SLC6A3: variants seen among roughly 807,000 people sequenced by gnomAD.
SLC6A3 encodes sodium-dependent dopamine transporter.
Under a neutral mutation model 70.4 loss-of-function variants are expected in SLC6A3, and 19 were observed. That is an observed-to-expected ratio of 0.27 (90% confidence interval 0.19 to 0.40). The LOEUF is 0.40. SLC6A3 is among the 10% of genes least tolerant of loss of function. The pLI, the probability that SLC6A3 is intolerant of heterozygous loss-of-function variation, is 1.00. For missense variants in SLC6A3, 613 were observed against 838.5 expected (o/e 0.73, Z 3.32); for synonymous variants, 368 against 356.6 (o/e 1.03, Z -0.36).
At position 1,401,470 on chromosome 5, in the gene SLC6A3, C is replaced by T. The variant is rs531957903; in HGVS notation, c.1768-484G>A. On this transcript the variant is annotated intron_variant, in intron 13 of 14. Transcript: ENST00000270349. This position sits in a 1 kb window ranked among gnomAD's most constrained non-coding sequence, Gnocchi z 6.1. ...CGTGCCTTCCTTCCACTGCCCGCTGCGGCAGCTCCTGGGGCCTGGACAGCA... is the reference window on the plus strand; with the variant it reads ...CGTGCCTTCCTTCCACTGCCCGCTGTGGCAGCTCCTGGGGCCTGGACAGCA... Among the ~76,000 whole-genome samples the T allele has an allele frequency of 5.9e-5, 9 of 152,216 alleles. No individual in the cohort carries two copies. Among genetic ancestry groups the T allele is most frequent in the Non-Finnish European group, 8.8e-5 (6 of 68,030 alleles).
At chr5:1,403,761 T>G (rs779168584) in intron 12 of SLC6A3, among the ~76,000 whole-genome samples, 2 of 152,090 alleles carry the variant, frequency 1.3e-5, no homozygotes, top group Non-Finnish European at 2.9e-5. Context: ...CAGACCTGTC[T>G]CAGAACCACC....
chr5:1,443,181 C>T lies in SLC6A3; in HGVS notation c.17G>A (p.Cys6Tyr), dbSNP rs746803347. Residue 6 changes from cysteine (C) to tyrosine (Y), a missense_variant, in exon 2 of 15, where the codon TGC becomes TAC. Cys to Tyr is a radical substitution (Grantham distance 194). This residue lies in a region of SLC6A3 where 111 missense variants were observed against 91.6 expected (regional missense o/e 1.21). Transcript: ENST00000270349. ...CACGGAAGACATGAGTCCCACGGAGCATTTGCTCTTACTCATGGGCACACT... is the reference window on the plus strand; with the variant it reads ...CACGGAAGACATGAGTCCCACGGAGTATTTGCTCTTACTCATGGGCACACT... MSKSK[C>Y]SVGLMSSVVA... is the part of the protein sequence containing the mutation. The T allele has an allele frequency of 6.8e-6, 11 of 1,614,118 alleles. No individual in the cohort carries two copies. The highest frequency in any genetic ancestry group is 1.1e-5 in the South Asian group (1 of 91,090).
rs59372317 is a variant in SLC6A3, at chr5:1,419,323, TCATCCATCCATCCATC to T, written c.927+1230_927+1245del. On this transcript the variant is annotated intron_variant, in intron 6 of 14. Transcript: ENST00000270349. ...TCCTATCCACCTACTTACCTAGCAT[TCATCCATCCATCCATC>T]CATCCATCCATCCATCCATCCATCC... 6.3e-3 allele frequency among the ~76,000 whole-genome samples: 902 copies of T among 142,970 alleles called. 3 individuals are homozygous for T. The highest frequency in any genetic ancestry group is 0.026 in the South Asian group (109 of 4,202). The allele number at this position is 142,970 out of a possible 152,430, so 93.8% of individuals were successfully genotyped here.
rs1362991088 is a variant in SLC6A3 at position 1,411,960 on chromosome 5, A to C, written c.1157-605T>G. 6.6e-6 allele frequency among the ~76,000 whole-genome samples: 1 copy of C among 152,158 alleles called. No homozygotes were observed. The highest frequency in any genetic ancestry group is 2.4e-5 in the African/African-American group (1 of 41,416). On this transcript the variant is annotated intron_variant, in intron 8 of 14. Coordinates refer to ENST00000270349, the MANE Select transcript of SLC6A3 (RefSeq NM_001044.5). The surrounding 1 kb of genome is among the most constrained non-coding windows in gnomAD (Gnocchi z 6.5). ...CACGAACACTCATTTGTGCATTCAA[A>C]CTCATACATGCAAGAACACATCCAC...
intron 4 of SLC6A3, among the ~76,000 whole-genome samples, 197 bp from the exon 5 acceptor site, chr5:1,422,211 G>A (rs1316645585): frequency 2.6e-5 from 4 of 152,218 alleles, no homozygotes; most frequent in Non-Finnish European, 4.4e-5. Flanking sequence ...CTTGAAACCC[G>A]TGGAGCACGT....
rs962210207 is a variant in SLC6A3, at chr5:1,436,264, G to T, written c.419-3566C>A. ...CACGAGCTCCTCAAGCTCACCGAAG[G>T]CCCAGACGCAGGAAACCCACTACCC... is the stretch of plus-strand genomic sequence containing the variant. On this transcript the variant is annotated intron_variant, in intron 3 of 14. Coordinates refer to ENST00000270349, the MANE Select transcript of SLC6A3 (RefSeq NM_001044.5). This position sits in a 1 kb window ranked among gnomAD's most constrained non-coding sequence, Gnocchi z 5.2. Among the ~76,000 whole-genome samples, 6 of 152,242 alleles carry T rather than the reference G, an allele frequency of 3.9e-5. No individual in the cohort carries two copies. The highest frequency in any genetic ancestry group is 8.8e-5 in the Non-Finnish European group (6 of 68,038).
intron 4 of SLC6A3, among the ~76,000 whole-genome samples, chr5:1,428,035 G>A (rs950062067): frequency 5.9e-5 from 9 of 151,798 alleles, no homozygotes; most frequent in African/African-American, 2.2e-4. Flanking sequence ...ACCAAAGACA[G>A]CAGAATACAT....
intron 9 of SLC6A3, among the ~76,000 whole-genome samples, chr5:1,410,585 C>T (rs1756093199): frequency 6.6e-6 from 1 of 152,172 alleles, no homozygotes; most frequent in Admixed American, 6.5e-5. Flanking sequence ...GCTGGAGGTG[C>T]AGGGGCCACA....
rs2111329703 is a variant in SLC6A3, at chr5:1,396,533, G to A, written c.1840-1775C>T. Among the ~76,000 whole-genome samples, 1 of 152,350 alleles carries A rather than the reference G, an allele frequency of 6.6e-6. No homozygotes were observed. Among genetic ancestry groups the A allele is most frequent in the Middle Eastern group, 3.4e-3 (1 of 294 alleles). On this transcript the variant is annotated intron_variant, in intron 14 of 14. Coordinates refer to ENST00000270349, the MANE Select transcript of SLC6A3 (RefSeq NM_001044.5). The surrounding 1 kb of genome is among the most constrained non-coding windows in gnomAD (Gnocchi z 7.0). ...GGAAAGGAGAGCGAGGGAAACGGAG[G>A]TGGCTGCAGTTTGCAGGCCAGAGCG...
In SLC6A3 at chr5:1,421,953, G is replaced by A; in HGVS notation, c.715C>T (p.Gln239Ter). The part of the protein sequence containing the change: ...GIDDLGPPRW[Q>*]LTACLVLVIV... ...ACCAGCACCAGGCAGGCTGTGAGCT[G>A]CCACCGCGGAGGCCCCAGGTCGTCG... Residue 239 changes from glutamine to a stop codon, truncating the protein, a stop_gained, in exon 5 of 15, where the codon CAG becomes TAG. Coordinates refer to ENST00000270349, the MANE Select transcript of SLC6A3 (RefSeq NM_001044.5). LOFTEE classifies it high-confidence loss of function. The surrounding 1 kb of genome is among the most constrained non-coding windows in gnomAD (Gnocchi z 7.2). 6.2e-7 allele frequency: 1 copy of A among 1,613,178 alleles called. No homozygotes were observed. The highest frequency in any genetic ancestry group is 8.5e-7 in the Non-Finnish European group (1 of 1,180,004).
Position 1,413,626 on chromosome 5 carries a change from G to A in SLC6A3, c.1156+1065C>T, listed in dbSNP as rs1756178292. On this transcript the variant is annotated intron_variant, in intron 8 of 14. Coordinates refer to ENST00000270349, the MANE Select transcript of SLC6A3 (RefSeq NM_001044.5). The surrounding 1 kb of genome is among the most constrained non-coding windows in gnomAD (Gnocchi z 7.1). ...CACCCCCGGAGAAGACAGTCCAGAG[G>A]AAGCAAGGATGGGGACGCAGCATGG... is the stretch of plus-strand genomic sequence containing the variant. Among the ~76,000 whole-genome samples the A allele has an allele frequency of 1.3e-5, 2 of 152,180 alleles. No individual in the cohort carries two copies. Among genetic ancestry groups the A allele is most frequent in the South Asian group, 4.1e-4 (2 of 4,834 alleles).
In SLC6A3 at chr5:1,435,871, C is replaced by G. The variant is rs1342115123; in HGVS notation, c.419-3173G>C. ...CTCCCTTGAACGGTGGTGGCCAGTCCCCTCCTGGATGCTTCCCTGGGCACC... is the reference window on the plus strand; with the variant it reads ...CTCCCTTGAACGGTGGTGGCCAGTCGCCTCCTGGATGCTTCCCTGGGCACC... On this transcript the variant is annotated intron_variant, in intron 3 of 14. Transcript: ENST00000270349. 1.5e-5 allele frequency among the ~76,000 whole-genome samples: 2 copies of G among 136,988 alleles called. 1 individual carries two copies. 89.9% of individuals were successfully genotyped at this position (136,988 alleles called of 152,430 possible).
rs1755667135 is a variant in SLC6A3 at position 1,394,580 on chromosome 5, CAGAAG to C, written c.*150_*154del. Reference sequence around the variant, plus strand: ...CCCGGCACGGAAAGGTGTAAACAGTCAGAAGAGAGGAGTCTTCTGCTTTGTTGTTT... The same window carrying C: ...CCCGGCACGGAAAGGTGTAAACAGTCAGAGGAGTCTTCTGCTTTGTTGTTT... On this transcript the variant is annotated 3_prime_UTR_variant, in exon 15 of 15. Coordinates refer to ENST00000270349, the MANE Select transcript of SLC6A3 (RefSeq NM_001044.5). The surrounding 1 kb of genome is among the most constrained non-coding windows in gnomAD (Gnocchi z 4.7). 6.3e-6 allele frequency: 5 copies of C among 798,734 alleles called. No individual in the cohort carries two copies. Among genetic ancestry groups the C allele is most frequent in the African/African-American group, 1.7e-5 (1 of 59,498 alleles). 49.5% of individuals were successfully genotyped at this position (798,734 alleles called of 1,614,324 possible).
In SLC6A3 at chr5:1,432,542, G is replaced by T; in HGVS notation, c.575C>A (p.Ala192Asp). The change falls in exon 4 of 15, where the codon GCC becomes GAC. Residue 192 changes from alanine to aspartate, a missense_variant. Around this residue, in one of 4 missense-constraint regions of SLC6A3, gnomAD observed 153 missense variants for 249.4 expected, o/e 0.61. Transcript: ENST00000270349. ...GTCTCCACTGGAGTCACCAGGATGG[G>T]CATCCGAGCAGTTGGGGCTGTTCCA... ...NSWNSPNCSD[A>D]HPGDSSGDSS... 1.9e-6 allele frequency: 3 copies of T among 1,614,226 alleles called. No individual in the cohort carries two copies. Among genetic ancestry groups the T allele is most frequent in the Non-Finnish European group, 2.5e-6 (3 of 1,180,016 alleles).
chr5:1,400,995 G>T lies in SLC6A3; in HGVS notation c.1768-9C>A. 6.3e-7 allele frequency: 1 copy of T among 1,588,806 alleles called. No individual in the cohort carries two copies. Among genetic ancestry groups the T allele is most frequent in the Non-Finnish European group, 8.6e-7 (1 of 1,164,800 alleles). ...ATGGCGTAGGCCAGTTTCTGAAAGA[G>T]AAAGAGAGTGCAGGGGTCAGTGCAG... On this transcript the variant is annotated splice_polypyrimidine_tract_variant and intron_variant, in intron 13 of 14. Transcript: ENST00000270349.
intron 4 of SLC6A3, among the ~76,000 whole-genome samples, chr5:1,422,538 G>A (rs1271958366): frequency 1.3e-4 from 18 of 142,532 alleles, no homozygotes; most frequent in Admixed American, 2.1e-4. Flanking sequence ...TGCTGCCCAC[G>A]CTGCTGGGTG....
rs1375385639 is a variant in SLC6A3, at chr5:1,437,194, T to C, written c.418+4165A>G. Among the ~76,000 whole-genome samples, 3 of 147,654 alleles carry C rather than the reference T, an allele frequency of 2.0e-5. No homozygotes were observed. Among genetic ancestry groups the C allele is most frequent in the Non-Finnish European group, 3.0e-5 (2 of 67,334 alleles). On this transcript the variant is annotated intron_variant, in intron 3 of 14. Coordinates refer to ENST00000270349, the MANE Select transcript of SLC6A3 (RefSeq NM_001044.5). This position sits in a 1 kb window ranked among gnomAD's most constrained non-coding sequence, Gnocchi z 4.8. ...TGAACCCGGGACGCGCAGGTGACAG[T>C]GAGCCAAGATCGCGCCTTTGCACTC...
intron 8 of SLC6A3, among the ~76,000 whole-genome samples, 167 bp downstream of exon 8, chr5:1,414,524 C>G (rs1304735987): frequency 2.3e-5 from 1 of 43,068 alleles, no homozygotes; most frequent in Non-Finnish European, 4.7e-5. Flanking sequence ...GGGGGCAGGT[C>G]TGTACTGGGA....
At position 1,420,611 on chromosome 5, in the gene SLC6A3, T is replaced by C; in HGVS notation, c.885A>G (p.Arg295=). 6.2e-7 allele frequency: 1 copy of C among 1,613,604 alleles called. No individual in the cohort carries two copies. The change falls in exon 6 of 15, where the codon AGA becomes AGG. Residue 295 remains arginine (R), a synonymous_variant. Transcript: ENST00000270349. The part of the protein sequence containing the change: ...VTLPGAIDGI[R]AYLSVDFYRL... ...GGTAGAAGTCAACGCTCAGGTATGC[T>C]CTGATGCCGTCTATGGCTCCAGGGA...
Sources: gnomAD v4.1 joint callset for allele counts (sites outside exome capture counted in the v4.1 genomes callset) on GRCh38, gnomAD v4.1.1 for gene constraint, gnomAD v4.1.1 regional missense constraint, Gnocchi (gnomAD v3.1) non-coding constraint, MANE v1.5 for transcripts, NCBI Gene and HGNC (gene_info 2026-07-23, HGNC 2026-07-21) for gene names.